Variants in ANO4 observed in about 807,000 individuals in gnomAD.
The protein encoded by ANO4 is anoctamin-4.
A neutral mutation model predicts 141.9 loss-of-function variants in ANO4; 69 were observed. That is an observed-to-expected ratio of 0.49 (90% CI 0.40 to 0.59). The LOEUF (loss-of-function observed/expected upper bound fraction) is 0.59, where lower values mean the gene tolerates loss of function less well. Among genes scored for constraint, ANO4 ranks in the 20% least tolerant of loss-of-function variants. The pLI, the probability that ANO4 is intolerant of heterozygous loss-of-function variation, is 0.00. For synonymous variants in ANO4, 350 were observed against 394.3 expected (o/e 0.89, Z 1.33); for missense variants, 894 against 1,162.2 (o/e 0.77, Z 3.36).
chr12:100,916,004 G>C (rs80043110), intron 2 of ANO4, among the ~76,000 whole-genome samples: 5,303 of 152,200 alleles, frequency 0.035, 134 homozygotes, highest in Non-Finnish European at 0.05. Flanking sequence ...ACTAAGAATA[G>C]TGATTTGGTG....
At chr12:101,078,562 G>C (rs924348360) in intron 14 of ANO4, among the ~76,000 whole-genome samples, 1 of 152,174 alleles carries the variant, frequency 6.6e-6, no homozygotes, top group African/African-American at 2.4e-5. Flanking sequence ...GCACTTACTG[G>C]AGAAAGTTCT....
intron 1 of ANO4, among the ~76,000 whole-genome samples, chr12:100,857,676 A>G (rs2038250090): frequency 6.6e-6 from 1 of 152,166 alleles, no homozygotes. Context: ...TTATCCATGT[A>G]AAATAAGAAG....
intron 9 of ANO4, among the ~76,000 whole-genome samples, chr12:101,024,921 G>A (rs1049306259): frequency 1.3e-5 from 2 of 152,178 alleles, no homozygotes; most frequent in Non-Finnish European, 2.9e-5. Flanking sequence ...CTCCATCAAT[G>A]AAAAGTGAAT....
chr12:101,084,804 G>A (rs1216816331), intron 16 of ANO4, among the ~76,000 whole-genome samples: 2 of 152,138 alleles, frequency 1.3e-5, no homozygotes, highest in Non-Finnish European at 2.9e-5. Context: ...AGCTTTTCCT[G>A]TTCTATGGAT....
At chr12:101,105,977 C>T (rs563985052) in intron 22 of ANO4, among the ~76,000 whole-genome samples, 202 of 152,116 alleles carry the variant, frequency 1.3e-3, no homozygotes, top group Admixed American at 2.8e-3. Context: ...CTTGGTGGTG[C>T]GTGCCTGTAA....
At chr12:100,744,671 T>A (rs2032023319) in intron 3 of ANO4, among the ~76,000 whole-genome samples, 1 of 152,222 alleles carries the variant, frequency 6.6e-6, no homozygotes, top group South Asian at 2.1e-4. Context: ...CCCCTCATGC[T>A]TAACCTTCTG....
chr12:100,752,639 G>A (rs1312729390), intron 3 of ANO4, among the ~76,000 whole-genome samples: 2 of 151,962 alleles, frequency 1.3e-5, no homozygotes, highest in African/African-American at 4.8e-5. Context: ...GTTGTACAAG[G>A]AAATTATTTC....
intron 22 of ANO4, among the ~76,000 whole-genome samples, chr12:101,104,669 AT>A (rs1566255102): frequency 7.0e-4 from 43 of 61,116 alleles, no homozygotes; most frequent in South Asian, 1.4e-3. Flanking sequence ...ATATATATAT[AT>A]AAATAAAAAG....
intron 1 of ANO4, among the ~76,000 whole-genome samples, chr12:100,849,727 A>G (rs576900691): frequency 3.5e-4 from 54 of 152,306 alleles, no homozygotes; most frequent in African/African-American, 1.3e-3. Flanking sequence ...GCGCATGCAC[A>G]TGTATATGTA....
At position 101,127,042 on chromosome 12, in the gene ANO4, G is replaced by A; in HGVS notation, c.2840G>A (p.Gly947Glu). 6.2e-7 allele frequency: 1 copy of A among 1,613,918 alleles called. No homozygotes were observed. The highest frequency in any genetic ancestry group is 8.5e-7 in the Non-Finnish European group (1 of 1,179,896). The change falls in exon 27 of 28, where the codon GGA becomes GAA. Residue 947 changes from glycine to glutamate, a missense_variant. Physicochemically the swap from Gly to Glu is moderately conservative, Grantham distance 98 (BLOSUM62 -2). Transcript: ENST00000392977. ...GAACGAAAGGAGAGGAAGAAGAATG[G>A]AAAAGCACACCACAACGAGTGGCCG... ...QKERKERKKN[G>E]KAHHNEWP
At chr12:101,109,562 A>G (rs572211062) in intron 22 of ANO4, among the ~76,000 whole-genome samples, 171 of 150,822 alleles carry the variant, frequency 1.1e-3, no homozygotes, top group Non-Finnish European at 2.0e-3. Flanking sequence ...CTCTGTCTCA[A>G]AAAAAAACAA....
chr12:101,072,746 G>GAA (rs577175811), intron 14 of ANO4, among the ~76,000 whole-genome samples: 5 of 148,968 alleles, frequency 3.4e-5, no homozygotes, highest in African/African-American at 1.2e-4. Context: ...ACTTACAAGG[G>GAA]AAAAAAAAAC....
intron 1 of ANO4, among the ~76,000 whole-genome samples, chr12:100,809,414 T>C (rs2035263320): frequency 6.6e-6 from 1 of 151,682 alleles, no homozygotes; most frequent in African/African-American, 2.4e-5. Flanking sequence ...TAATGTGCTT[T>C]CATGAAAATA....
chr12:101,070,703 G>A (rs1648538270), intron 14 of ANO4, among the ~76,000 whole-genome samples: 1 of 152,026 alleles, frequency 6.6e-6, no homozygotes. Context: ...CACAGCAAAG[G>A]AAACAACATG....
chr12:101,083,975 G>T (rs2049384451), intron 16 of ANO4, among the ~76,000 whole-genome samples, 157 bp downstream of exon 16: 3 of 152,168 alleles, frequency 2.0e-5, no homozygotes, highest in Admixed American at 2.0e-4. Flanking sequence ...GGATGGTATT[G>T]CTATCCCCAT....
chr12:100,783,674 A>G (rs2033775884), intron 3 of ANO4, among the ~76,000 whole-genome samples: 1 of 152,182 alleles, frequency 6.6e-6, no homozygotes, highest in Admixed American at 6.5e-5. Flanking sequence ...GAGCAGGCAC[A>G]AGAACCATGT....
chr12:100,829,572 A>C (rs2036534277), intron 1 of ANO4, among the ~76,000 whole-genome samples: 1 of 152,226 alleles, frequency 6.6e-6, no homozygotes, highest in Admixed American at 6.5e-5. Context: ...TTCTGTCATT[A>C]GAATTTTTAA....
chr12:100,781,314 G>A, intron 3 of ANO4, among the ~76,000 whole-genome samples: 1 of 152,216 alleles, frequency 6.6e-6, no homozygotes, highest in East Asian at 1.9e-4. Flanking sequence ...TGCAGTGGGA[G>A]CATTTCCACT....
chr12:100,787,674 A>G (rs984190948), intron 3 of ANO4, among the ~76,000 whole-genome samples: 3 of 152,210 alleles, frequency 2.0e-5, no homozygotes, highest in Non-Finnish European at 4.4e-5. Context: ...GATAGAAAGA[A>G]GAAAGAAATG....
Sources: allele counts gnomAD v4.1 joint callset (sites outside exome capture counted in the v4.1 genomes callset), GRCh38; gene constraint gnomAD v4.1.1; transcripts MANE v1.5; gene names NCBI Gene and HGNC (gene_info 2026-07-23, HGNC 2026-07-21).